Variants in ZRANB3 observed in about 807,000 individuals in gnomAD.
ZRANB3 encodes the protein zinc finger RANBP2-type containing 3.
A neutral mutation model predicts 133.8 loss-of-function variants in ZRANB3; 125 were observed. The ratio of observed to expected loss-of-function variants is 0.93; its 90% CI spans 0.81 to 1.08. ZRANB3 has a LOEUF of 1.08. Among genes scored for constraint, ZRANB3 ranks in the 50% least tolerant of loss-of-function variants. The pLI, the probability that ZRANB3 is intolerant of heterozygous loss-of-function variation, is 0.00. For synonymous variants in ZRANB3, 387 were observed against 432.7 expected (o/e 0.89, Z 1.31); for missense variants, 1,229 against 1,275.5 (o/e 0.96, Z 0.56).
intron 2 of ZRANB3, among the ~76,000 whole-genome samples, chr2:135,398,061 TA>T (rs1687577093): frequency 6.6e-6 from 1 of 152,102 alleles, no homozygotes; most frequent in African/African-American, 2.4e-5. Context: ...TTGTTTTTCT[TA>T]TTATTTATTT....
At chr2:135,205,730 G>A (rs1285008534) in intron 19 of ZRANB3, among the ~76,000 whole-genome samples, 6 of 152,178 alleles carry the variant, frequency 3.9e-5, no homozygotes, top group African/African-American at 1.4e-4. Flanking sequence ...ATTGATGATA[G>A]TGTTCTATAA....
At position 135,253,552 on chromosome 2, in the gene ZRANB3, TAGCATAC is replaced by T. The variant is rs1300090514; in HGVS notation, c.1539+11975_1539+11981del. Among the ~76,000 whole-genome samples, 3 of 152,160 alleles carry T rather than the reference TAGCATAC, an allele frequency of 2.0e-5. No individual in the cohort carries two copies. In the South Asian group the frequency reaches 6.2e-4, roughly 32 times the overall value. On this transcript the variant is annotated intron_variant, in intron 12 of 20. Coordinates refer to ENST00000264159, the MANE Select transcript of ZRANB3 (RefSeq NM_032143.4). ...GTGTACTTCACAAACCTAGATGGTA[TAGCATAC>T]TATACACCTAGACTACCTGGTATAG...
At chr2:135,210,429 G>A (rs7595431) in intron 17 of ZRANB3, among the ~76,000 whole-genome samples, 9,419 of 152,036 alleles carry the variant, frequency 0.062, 578 homozygotes, top group African/African-American at 0.16. Context: ...CCGCCTTCTG[G>A]TTCAAGCTAT....
intron 2 of ZRANB3, among the ~76,000 whole-genome samples, chr2:135,427,887 A>C (rs1456829487): frequency 6.6e-6 from 1 of 152,216 alleles, no homozygotes; most frequent in African/African-American, 2.4e-5. Context: ...AAAGTCCAGA[A>C]ATAAGGCCTC....
chr2:135,261,996 A>G (rs1389120133), intron 12 of ZRANB3, among the ~76,000 whole-genome samples: 1 of 151,722 alleles, frequency 6.6e-6, no homozygotes, highest in Non-Finnish European at 1.5e-5. Flanking sequence ...CCCGTCTTTA[A>G]TAAAATACAA....
chr2:135,353,770 GCA>G, intron 3 of ZRANB3, 142 bp from the exon 4 acceptor site: 1 of 474,694 alleles, frequency 2.1e-6, no homozygotes, highest in Non-Finnish European at 3.2e-6. Flanking sequence ...GGAGGCTGAT[GCA>G]GGTGGATCGC....
chr2:135,302,307 G>A (rs1434761351), intron 8 of ZRANB3, among the ~76,000 whole-genome samples: 6 of 152,148 alleles, frequency 3.9e-5, no homozygotes, highest in African/African-American at 1.4e-4. Flanking sequence ...TCCATAGGTG[G>A]TTGAGGACAG....
At chr2:135,232,492 C>A (rs938833273) in intron 12 of ZRANB3, among the ~76,000 whole-genome samples, 7 of 152,324 alleles carry the variant, frequency 4.6e-5, no homozygotes, top group Middle Eastern at 6.8e-3. Context: ...GGACAGACTG[C>A]CTCCTTAAGT....
intron 4 of ZRANB3, among the ~76,000 whole-genome samples, chr2:135,352,084 C>T (rs527604527): frequency 1.3e-5 from 2 of 152,170 alleles, no homozygotes; most frequent in South Asian, 4.1e-4. Flanking sequence ...GTAATCCCAG[C>T]ACTTTGGGAG....
intron 6 of ZRANB3, among the ~76,000 whole-genome samples, chr2:135,321,496 CAG>C (rs1683525251): frequency 7.1e-6 from 1 of 140,386 alleles, no homozygotes; most frequent in Non-Finnish European, 1.5e-5. Flanking sequence ...TTTTTTGAGA[CAG>C]AGTCTCATTC....
intron 12 of ZRANB3, among the ~76,000 whole-genome samples, 196 bp downstream of exon 12, chr2:135,265,338 C>A (rs1680178619): frequency 6.6e-6 from 1 of 152,080 alleles, no homozygotes; most frequent in South Asian, 2.1e-4. Context: ...GTTTGTTTAT[C>A]CGAGGAGCTG....
chr2:135,446,145 G>T (rs1215151796), intron 2 of ZRANB3, among the ~76,000 whole-genome samples: 1 of 151,426 alleles, frequency 6.6e-6, no homozygotes, highest in African/African-American at 2.4e-5. Context: ...GGCAGAGGTT[G>T]CAGTGAGCTG....
chr2:135,433,462 G>A (rs1251284461), intron 2 of ZRANB3, among the ~76,000 whole-genome samples: 3 of 152,098 alleles, frequency 2.0e-5, no homozygotes, highest in Non-Finnish European at 4.4e-5. Context: ...AGGACACATA[G>A]ACTTACTCCT....
At chr2:135,309,665 T>C (rs1682879744) in intron 8 of ZRANB3, among the ~76,000 whole-genome samples, 1 of 152,140 alleles carries the variant, frequency 6.6e-6, no homozygotes. Context: ...TACCTATGGA[T>C]AAATCTAACA....
intron 17 of ZRANB3, among the ~76,000 whole-genome samples, chr2:135,215,193 C>T (rs2105048205): frequency 6.6e-6 from 1 of 152,322 alleles, no homozygotes; most frequent in East Asian, 1.9e-4. Flanking sequence ...GCTAGGATTA[C>T]AGGTGTGAGC....
At chr2:135,317,315 T>C (rs1269897601) in intron 6 of ZRANB3, among the ~76,000 whole-genome samples, 2 of 152,176 alleles carry the variant, frequency 1.3e-5, no homozygotes, top group East Asian at 3.8e-4. Flanking sequence ...TTTCCATTCA[T>C]ACACTTAGGT....
chr2:135,238,486 C>T (rs574602648), intron 12 of ZRANB3, among the ~76,000 whole-genome samples: 3 of 151,900 alleles, frequency 2.0e-5, no homozygotes, highest in East Asian at 3.9e-4. Flanking sequence ...CTCCGCCTCC[C>T]GAAAGTAGCT....
At position 135,419,706 on chromosome 2, in the gene ZRANB3, T is replaced by C. The variant is rs1310980880; in HGVS notation, c.162-28886A>G. Among the ~76,000 whole-genome samples, 7 of 151,962 alleles carry C rather than the reference T, an allele frequency of 4.6e-5. No individual in the cohort carries two copies. The South Asian group carries it at 1.5e-3, about 32-fold the overall frequency. The stretch of plus-strand genomic sequence containing the variant: ...GCACATGTCCTCACAAAGGTTTTTT[T>C]TTTTTTTCCTTAAATAAAAAAAATT... On this transcript the variant is annotated intron_variant, in intron 2 of 20. Transcript: ENST00000264159.
At chr2:135,331,199 A>G (rs1684122310) in intron 6 of ZRANB3, among the ~76,000 whole-genome samples, 1 of 152,150 alleles carries the variant, frequency 6.6e-6, no homozygotes, top group East Asian at 1.9e-4. Flanking sequence ...ATGGGCATTT[A>G]GTGCTATAAA....
Sources: allele counts gnomAD v4.1 joint callset (sites outside exome capture counted in the v4.1 genomes callset), GRCh38; gene constraint gnomAD v4.1.1; transcripts MANE v1.5; gene names NCBI Gene and HGNC (gene_info 2026-07-23, HGNC 2026-07-21).